DMD: variants seen among roughly 807,000 people sequenced by gnomAD.
DMD encodes the protein dystrophin, also known as mutant dystrophin.
DMD carries 63 observed loss-of-function variants against 330.1 expected under a neutral mutation model. That is an observed-to-expected ratio of 0.19 (90% CI 0.16 to 0.24). DMD has a LOEUF of 0.24. Among genes scored for constraint, DMD ranks in the 10% least tolerant of loss-of-function variants. DMD has a pLI of 1.00. For synonymous variants in DMD, 1,223 were observed against 959.8 expected (o/e 1.27, Z -5.07); for missense variants, 3,344 against 2,684.1 (o/e 1.25, Z -5.43).
chrX:33,146,693 C>T (rs1435049637), intron 1 of DMD, among the ~76,000 whole-genome samples: 1 of 111,648 alleles, frequency 9.0e-6, no homozygotes, highest in Non-Finnish European at 1.9e-5. Context: ...ACAGTCGCCC[C>T]TATGAGGGGT....
At chrX:32,942,157 AAGAG>A (rs759392882) in intron 2 of DMD, among the ~76,000 whole-genome samples, 1 of 111,945 alleles carries the variant, frequency 8.9e-6, no homozygotes, top group Non-Finnish European at 1.9e-5. Context: ...GAGAAAGTGA[AAGAG>A]AGGGAGATTT....
intron 30 of DMD, among the ~76,000 whole-genome samples, chrX:32,402,492 G>A (rs1416000208): frequency 9.0e-6 from 1 of 110,802 alleles, no homozygotes; most frequent in East Asian, 2.8e-4. Flanking sequence ...TTCACATCCT[G>A]TTCTCAACCC....
In DMD at chrX:31,907,873, A is replaced by G. The variant is rs2094496525; in HGVS notation, c.6912+21723T>C. Among the ~76,000 whole-genome samples, 3 of 112,750 alleles carry G rather than the reference A, an allele frequency of 2.7e-5. No homozygotes were observed. The South Asian group carries it at 1.1e-3, about 41-fold the overall frequency. Reference sequence around the variant, plus strand: ...AAAGAACTTAAACAAATTTACAAGAAAAAAACCAACCTCATCGAAAAGTCG... The same window carrying G: ...AAAGAACTTAAACAAATTTACAAGAGAAAAACCAACCTCATCGAAAAGTCG... On this transcript the variant is annotated intron_variant, in intron 47 of 78. Coordinates refer to ENST00000357033, the MANE Select transcript of DMD (RefSeq NM_004006.3).
At chrX:32,141,256 T>C (rs2147058004) in intron 44 of DMD, among the ~76,000 whole-genome samples, 1 of 92,332 alleles carries the variant, frequency 1.1e-5, no homozygotes, top group East Asian at 3.2e-4. Flanking sequence ...TGAAACCCCG[T>C]CTCTACTAAA....
At chrX:33,137,681 G>C in intron 1 of DMD, among the ~76,000 whole-genome samples, 1 of 111,560 alleles carries the variant, frequency 9.0e-6, no homozygotes, top group Non-Finnish European at 1.9e-5. Flanking sequence ...TATATGGTAA[G>C]TGCTCAATAA....
intron 29 of DMD, among the ~76,000 whole-genome samples, chrX:32,419,589 C>T (rs141004345): frequency 0.032 from 3,606 of 111,845 alleles, 70 homozygotes; most frequent in Non-Finnish European, 0.052. Context: ...ACATTATTCA[C>T]GAAAGGCTTC....
At chrX:32,213,007 C>T (rs748089094) in intron 44 of DMD, among the ~76,000 whole-genome samples, 23 of 111,940 alleles carry the variant, frequency 2.1e-4, no homozygotes, top group African/African-American at 6.5e-4. Context: ...AAATTCTCTT[C>T]TTTAAAGTGA....
At chrX:31,981,831 A>G (rs1478872066) in intron 44 of DMD, among the ~76,000 whole-genome samples, 1 of 112,106 alleles carries the variant, frequency 8.9e-6, no homozygotes, top group Non-Finnish European at 1.9e-5. Context: ...CCCTGGACCA[A>G]TTATATTCTA....
At chrX:31,226,402 T>C (rs966750351) in intron 63 of DMD, among the ~76,000 whole-genome samples, 9 of 111,916 alleles carry the variant, frequency 8.0e-5, no homozygotes, top group Non-Finnish European at 1.7e-4. Context: ...TGGGATATAT[T>C]TGTGAGTCTC....
intron 63 of DMD, among the ~76,000 whole-genome samples, chrX:31,258,046 C>G (rs2050142961): frequency 8.9e-6 from 1 of 112,362 alleles, no homozygotes; most frequent in African/African-American, 3.2e-5. Flanking sequence ...ACCCACCATA[C>G]CATTTCCAGA....
intron 1 of DMD, among the ~76,000 whole-genome samples, chrX:33,255,014 A>C (rs190310909): frequency 3.6e-4 from 40 of 111,074 alleles, no homozygotes; most frequent in Non-Finnish European, 9.5e-5. Flanking sequence ...TGGAGAGGTT[A>C]TATTACTTTT....
intron 7 of DMD, among the ~76,000 whole-genome samples, chrX:32,710,579 G>A (rs1480519648): frequency 9.0e-6 from 1 of 111,025 alleles, no homozygotes; most frequent in African/African-American, 3.3e-5. Context: ...GAAAACTAAT[G>A]TTTTATTCAT....
At chrX:31,585,909 T>C (rs1392571813) in intron 55 of DMD, among the ~76,000 whole-genome samples, 2 of 111,070 alleles carry the variant, frequency 1.8e-5, no homozygotes, top group Non-Finnish European at 3.8e-5. Flanking sequence ...TCTCTGTATA[T>C]AGTTTTTTTT....
In DMD at chrX:32,849,707, T is replaced by A. The variant is rs774045388; in HGVS notation, c.186+21A>T. 3 of 1,124,463 alleles carry A rather than the reference T, an allele frequency of 2.7e-6. No individual in the cohort carries two copies. The African/African-American group carries it at 5.4e-5, about 20-fold the overall frequency. The allele number at this position is 1,124,463 out of a possible 1,213,427, so 92.7% of individuals were successfully genotyped here. Reference sequence around the variant, plus strand: ...ATTCTACTAAGTTTAAAGTTAACTTTCTTAAAAATAAGTCACATACCAGTT... The same window carrying A: ...ATTCTACTAAGTTTAAAGTTAACTTACTTAAAAATAAGTCACATACCAGTT... On this transcript the variant is annotated intron_variant, in intron 3 of 78. Transcript: ENST00000357033.
At chrX:31,124,149 G>A (rs1004164041) in intron 78 of DMD, among the ~76,000 whole-genome samples, 10 of 111,785 alleles carry the variant, frequency 8.9e-5, no homozygotes, top group African/African-American at 3.3e-4. Context: ...GCCTTTAACC[G>A]GTTTACACTG....
At chrX:31,264,205 A>T (rs2050806632) in intron 62 of DMD, among the ~76,000 whole-genome samples, 1 of 112,118 alleles carries the variant, frequency 8.9e-6, no homozygotes, top group South Asian at 3.7e-4. Context: ...TAACTCCATG[A>T]GAAGAGCCCA....
At position 33,075,994 on chromosome X, in the gene DMD, C is replaced by T. The variant is rs187834580; in HGVS notation, c.32-55794G>A. ...CTAGAGACTACAAGATACTGCTTCTCCCCAAATTGCTCCTGGGCATAAAGT... is the reference window on the plus strand; with the variant it reads ...CTAGAGACTACAAGATACTGCTTCTTCCCAAATTGCTCCTGGGCATAAAGT... On this transcript the variant is annotated intron_variant, in intron 1 of 78. Transcript: ENST00000357033. Among the ~76,000 whole-genome samples the T allele has an allele frequency of 1.2e-4, 13 of 111,812 alleles. No homozygotes were observed. In the East Asian group the frequency reaches 2.5e-3, roughly 22 times the overall value.
At chrX:31,842,528 A>G (rs1603486129) in intron 48 of DMD, among the ~76,000 whole-genome samples, 2 of 111,477 alleles carry the variant, frequency 1.8e-5, no homozygotes, top group Admixed American at 1.9e-4. Flanking sequence ...ATCAACCAAC[A>G]TAGCAAACCT....
intron 51 of DMD, among the ~76,000 whole-genome samples, chrX:31,765,134 CAT>C (rs1276800311): frequency 9.2e-6 from 1 of 108,532 alleles, no homozygotes; most frequent in East Asian, 2.9e-4. Context: ...AACATTAAAA[CAT>C]ATGCAAAAAT....
Sources: allele counts gnomAD v4.1 joint callset (sites outside exome capture counted in the v4.1 genomes callset), GRCh38; gene constraint gnomAD v4.1.1; transcripts MANE v1.5; gene names NCBI Gene and HGNC (gene_info 2026-07-23, HGNC 2026-07-21).